Variants in CFAP97D1 observed in about 807,000 individuals in gnomAD.
The protein encoded by CFAP97D1 is sperm axonemal maintenance protein CFAP97D1.
In CFAP97D1, 15 loss-of-function variants were observed where a neutral mutation model predicts 20.5. The observed-to-expected ratio is 0.73, with a 90% CI of 0.49 to 1.13. The LOEUF (loss-of-function observed/expected upper bound fraction) is 1.13, where lower values mean the gene tolerates loss of function less well. CFAP97D1 is among the 50% of genes most tolerant of loss of function. CFAP97D1 has a pLI of 0.00. For synonymous variants in CFAP97D1, 58 were observed against 71.2 expected (o/e 0.82, Z 0.93); for missense variants, 168 against 202.9 (o/e 0.83, Z 1.04).
chr17:43,784,810 T>C lies in CFAP97D1; in HGVS notation c.*428T>C, dbSNP rs1042614993. ...AAGGAACAAATGCCATTAGTTCCTCTGTGAATACACACGATCGGAAAAGAA... is the reference window on the plus strand; with the variant it reads ...AAGGAACAAATGCCATTAGTTCCTCCGTGAATACACACGATCGGAAAAGAA... On this transcript the variant is annotated 3_prime_UTR_variant, in exon 6 of 6. Transcript: ENST00000449302. 1.3e-5 allele frequency: 2 copies of C among 152,202 alleles called. No homozygotes were observed. Among genetic ancestry groups the C allele is most frequent in the Non-Finnish European group, 2.9e-5 (2 of 68,046 alleles). 9.4% of individuals were successfully genotyped at this position (152,202 alleles called of 1,614,324 possible).
rs535307605 is a variant in CFAP97D1 at position 43,786,240 on chromosome 17, A to G, written c.*1858A>G. ...CCACATTGAGAGTGGATCTTCCCAC[A>G]TAGTTCACTCAGACTTACATGCTAA... On this transcript the variant is annotated 3_prime_UTR_variant, in exon 6 of 6. Transcript: ENST00000449302. The G allele has an allele frequency of 3.9e-5, 6 of 152,352 alleles. No homozygotes were observed. The highest frequency in any genetic ancestry group is 1.4e-4 in the African/African-American group (6 of 41,574). The allele number at this position is 152,352 out of a possible 1,614,324, so 9.4% of individuals were successfully genotyped here. A position where few individuals can be genotyped will look rare whatever the true frequency, so the allele number is the denominator to read the frequency against.
At chr17:43,783,769 GGGAT>G in intron 4 of CFAP97D1, 64 bp from the exon 5 acceptor site, 1 of 1,190,800 alleles carries the variant, frequency 8.4e-7, no homozygotes, top group South Asian at 1.3e-5. Context: ...AGTCATCCCT[GGGAT>G]TTAGAACTTC....
intron 2 of CFAP97D1, 143 bp from the exon 3 acceptor site, chr17:43,781,631 T>A (rs2154590785): frequency 1.5e-6 from 1 of 652,994 alleles, no homozygotes; most frequent in African/African-American, 1.9e-5. Flanking sequence ...GGCCGCCCAG[T>A]CTTTTAAGTT....
At chr17:43,780,632 A>T in intron 1 of CFAP97D1, 46 bp downstream of exon 1, 1 of 1,548,758 alleles carries the variant, frequency 6.5e-7, no homozygotes. Flanking sequence ...GGATTTTGGA[A>T]TGGTACCCCA....
chr17:43,781,052 G>T, intron 1 of CFAP97D1, 67 bp from the exon 2 acceptor site: 2 of 1,234,546 alleles, frequency 1.6e-6, no homozygotes, highest in South Asian at 1.3e-5. Flanking sequence ...GTCTAGTGCT[G>T]GTTTTCTGAG....
rs897029937 is a variant in CFAP97D1, at chr17:43,784,808, T to G, written c.*426T>G. 10 of 152,318 alleles carry G rather than the reference T, an allele frequency of 6.6e-5. No homozygotes were observed. Among genetic ancestry groups the G allele is most frequent in the African/African-American group, 2.2e-4 (9 of 41,566 alleles). 9.4% of individuals were successfully genotyped at this position (152,318 alleles called of 1,614,324 possible). On this transcript the variant is annotated 3_prime_UTR_variant, in exon 6 of 6. Transcript: ENST00000449302. ...ACAAGGAACAAATGCCATTAGTTCC[T>G]CTGTGAATACACACGATCGGAAAAG... is the stretch of plus-strand genomic sequence containing the variant.
chr17:43,781,092 T>A, intron 1 of CFAP97D1, 27 bp from the exon 2 acceptor site: 1 of 1,523,664 alleles, frequency 6.6e-7, no homozygotes, highest in Non-Finnish European at 8.9e-7. Flanking sequence ...TGATGTAACA[T>A]TGTTCCCTTT....
At position 43,787,388 on chromosome 17, in the gene CFAP97D1, T is replaced by G. The variant is rs1457766867; in HGVS notation, c.*3006T>G. 3.3e-5 allele frequency: 5 copies of G among 152,248 alleles called. No homozygotes were observed. The highest frequency in any genetic ancestry group is 7.2e-5 in the African/African-American group (3 of 41,458). 9.4% of individuals were successfully genotyped at this position (152,248 alleles called of 1,614,324 possible). A position where few individuals can be genotyped will look rare whatever the true frequency, so the allele number is the denominator to read the frequency against. Reference sequence around the variant, plus strand: ...ATAATTTGTCTTTTCATCCTCAGGGTCTTTGACAGAGTAAAATATTTTTAT... The same window carrying G: ...ATAATTTGTCTTTTCATCCTCAGGGGCTTTGACAGAGTAAAATATTTTTAT... On this transcript the variant is annotated 3_prime_UTR_variant, in exon 6 of 6. Coordinates refer to ENST00000449302, the MANE Select transcript of CFAP97D1 (RefSeq NM_001136483.3).
intron 4 of CFAP97D1, among the ~76,000 whole-genome samples, 175 bp downstream of exon 4, chr17:43,783,478 C>A (rs1289752210): frequency 1.3e-5 from 2 of 151,820 alleles, no homozygotes; most frequent in African/African-American, 4.8e-5. Flanking sequence ...AACCATCAAA[C>A]AAACAGCTAA....
rs2044291662 is a variant in CFAP97D1, at chr17:43,786,227, TG to T, written c.*1847del. 1 of 152,140 alleles carries T rather than the reference TG, an allele frequency of 6.6e-6. No individual in the cohort carries two copies. Among genetic ancestry groups the T allele is most frequent in the African/African-American group, 2.4e-5 (1 of 41,400 alleles). 9.4% of individuals were successfully genotyped at this position (152,140 alleles called of 1,614,324 possible). A position where few individuals can be genotyped will look rare whatever the true frequency, so the allele number is the denominator to read the frequency against. On this transcript the variant is annotated 3_prime_UTR_variant, in exon 6 of 6. Transcript: ENST00000449302. ...GGATGATGCCTCTCCACATTGAGAG[TG>T]GATCTTCCCACATAGTTCACTCAGA... is the stretch of plus-strand genomic sequence containing the variant.
chr17:43,781,240 A>T (rs1974469729), intron 2 of CFAP97D1, 51 bp downstream of exon 2: 3 of 1,437,700 alleles, frequency 2.1e-6, no homozygotes, highest in Non-Finnish European at 2.9e-6. Context: ...ATTGACTTCC[A>T]GTCTGTTTCC....
intron 3 of CFAP97D1, 176 bp from the exon 4 acceptor site, chr17:43,783,004 G>T (rs1974490482): frequency 6.0e-6 from 4 of 670,220 alleles, no homozygotes; most frequent in Non-Finnish European, 7.6e-6. Flanking sequence ...TGCGGTGCAT[G>T]TTTCCCGGAG....
chr17:43,781,666 C>T (rs1974475776), intron 2 of CFAP97D1, 108 bp from the exon 3 acceptor site: 1 of 779,916 alleles, frequency 1.3e-6, no homozygotes, highest in Non-Finnish European at 2.2e-6. Flanking sequence ...CACTGTGGCC[C>T]TCAATGCACC....
Position 43,780,523 on chromosome 17 carries a change from A to G in CFAP97D1, c.61A>G (p.Thr21Ala). ...PVIVSNHRQS[T>A]TFRKKLDFGH... ...TATCGTCTCTAATCACAGGCAAAGCACAACCTTCAGAAAGAAACTGGACTT... is the reference window on the plus strand; with the variant it reads ...TATCGTCTCTAATCACAGGCAAAGCGCAACCTTCAGAAAGAAACTGGACTT... The change falls in exon 1 of 6, where the codon ACA becomes GCA. Residue 21 changes from threonine (T) to alanine (A), a missense_variant. Physicochemically the swap from Thr to Ala is moderately conservative, Grantham distance 58 (BLOSUM62 0). Coordinates refer to ENST00000449302, the MANE Select transcript of CFAP97D1 (RefSeq NM_001136483.3). 1 of 1,551,696 alleles carries G rather than the reference A, an allele frequency of 6.4e-7. No individual in the cohort carries two copies. Among genetic ancestry groups the G allele is most frequent in the South Asian group, 1.2e-5 (1 of 84,060 alleles).
rs182373632 is a variant in CFAP97D1 at position 43,783,213 on chromosome 17, G to A, written c.348G>A (p.Val116=). 2.5e-3 allele frequency: 3,809 copies of A among 1,551,566 alleles called. 13 individuals are homozygous for A. The highest frequency in any genetic ancestry group is 3.4e-3 in the South Asian group (288 of 84,052). The change falls in exon 4 of 6, where the codon GTG becomes GTA. Residue 116 remains valine (V), a synonymous_variant. Coordinates refer to ENST00000449302, the MANE Select transcript of CFAP97D1 (RefSeq NM_001136483.3). ...GAGAAACAAGGAACCGCGAGCTAGT[G>A]AGAATCACCATGGAAAACCAGGGCA... The part of the protein sequence containing the change: ...LNRETRNREL[V]RITMENQGIL...
chr17:43,783,044 G>T, intron 3 of CFAP97D1, 136 bp from the exon 4 acceptor site: 1 of 1,042,830 alleles, frequency 9.6e-7, no homozygotes, highest in Non-Finnish European at 1.4e-6. Flanking sequence ...CTGTCCCAGG[G>T]GCCTGTGGGC....
At chr17:43,783,396 G>T in intron 4 of CFAP97D1, 93 bp downstream of exon 4, 2 of 1,435,638 alleles carry the variant, frequency 1.4e-6, no homozygotes, top group Admixed American at 4.7e-5. Flanking sequence ...TGAACAGCTA[G>T]AGTCAGATCA....
Position 43,783,839 on chromosome 17 carries a change from T to C in CFAP97D1, c.441T>C (p.Asn147=), listed in dbSNP as rs1159615095. The change falls in exon 5 of 6, where the codon AAT becomes AAC. Residue 147 remains asparagine (N), a splice_region_variant and synonymous_variant. Coordinates refer to ENST00000449302, the MANE Select transcript of CFAP97D1 (RefSeq NM_001136483.3). ...DRRASEIDWQ[N]SRRYIRNTTR... ...TAAACCAATTTTTTTCCTTCAAGAATTCAAGGCGCTATATCAGAAATACCA... is the reference window on the plus strand; with the variant it reads ...TAAACCAATTTTTTTCCTTCAAGAACTCAAGGCGCTATATCAGAAATACCA... 6.5e-7 allele frequency: 1 copy of C among 1,549,930 alleles called. No individual in the cohort carries two copies. The highest frequency in any genetic ancestry group is 1.2e-5 in the South Asian group (1 of 84,046).
Position 43,783,882 on chromosome 17 carries a change from C to G in CFAP97D1, c.484C>G (p.Gln162Glu). Residue 162 changes from glutamine (Q) to glutamate (E), a missense_variant, in exon 5 of 6, where the codon CAA becomes GAA. By Grantham distance (29) the Gln-to-Glu change is conservative. Coordinates refer to ENST00000449302, the MANE Select transcript of CFAP97D1 (RefSeq NM_001136483.3). ...AAATACCACGAGATATCTTCTCTCC[C>G]AAAATGAATAGGTATGTCTCTCTTA... Reference protein sequence around the residue: ...IRNTTRYLLSQNE With the variant: ...IRNTTRYLLSENE 6.5e-7 allele frequency: 1 copy of G among 1,549,452 alleles called. No homozygotes were observed. The highest frequency in any genetic ancestry group is 8.7e-7 in the Non-Finnish European group (1 of 1,145,788).
Sources: allele counts gnomAD v4.1 joint callset (sites outside exome capture counted in the v4.1 genomes callset), GRCh38; gene constraint gnomAD v4.1.1; transcripts MANE v1.5; gene names NCBI Gene and HGNC (gene_info 2026-07-23, HGNC 2026-07-21).